UBE3C: variants seen among roughly 807,000 people sequenced by gnomAD.
UBE3C encodes ubiquitin-protein ligase E3C.
Under a neutral mutation model 129.4 loss-of-function variants are expected in UBE3C, and 42 were observed. That is an observed-to-expected ratio of 0.32 (90% CI 0.25 to 0.42). The LOEUF is 0.42. Ranked by LOEUF, UBE3C falls within the 10% of genes least tolerant of loss-of-function variation. UBE3C has a pLI of 1.00. For synonymous variants in UBE3C, 510 were observed against 492.4 expected, an observed-to-expected ratio of 1.04 and a Z score of -0.47; for missense variants, 1,049 against 1,319.1, an observed-to-expected ratio of 0.80 and a Z score of 3.17.
intron 18 of UBE3C, among the ~76,000 whole-genome samples, chr7:157,235,501 C>A (rs907656569): frequency 2.6e-5 from 4 of 152,162 alleles, no homozygotes; most frequent in Admixed American, 1.3e-4. Context: ...AGGATAAACT[C>A]ATTTCTCCTC....
intron 7 of UBE3C, 60 bp downstream of exon 7, chr7:157,181,731 C>A: frequency 6.4e-7 from 1 of 1,560,044 alleles, no homozygotes; most frequent in Non-Finnish European, 8.7e-7. Flanking sequence ...CTGATGGTAA[C>A]TTTTACATAG....
chr7:157,198,154 G>A (rs1809176076), intron 10 of UBE3C: 10 of 1,613,008 alleles, frequency 6.2e-6, no homozygotes, highest in Non-Finnish European at 8.5e-6. Flanking sequence ...TTGCTCCACA[G>A]TTTAAGCAAA....
intron 1 of UBE3C, among the ~76,000 whole-genome samples, chr7:157,143,484 T>C (rs1807515797): frequency 6.6e-6 from 1 of 152,252 alleles, no homozygotes; most frequent in Non-Finnish European, 1.5e-5. Flanking sequence ...CACTCCCTTC[T>C]TCCTGTCTCC....
At chr7:157,241,382 C>G (rs578134073) in intron 18 of UBE3C, among the ~76,000 whole-genome samples, 3 of 152,308 alleles carry the variant, frequency 2.0e-5, no homozygotes, top group Non-Finnish European at 4.4e-5. Context: ...ATGAAGGACT[C>G]CATGATAAAA....
At chr7:157,241,051 G>A (rs766168442) in intron 18 of UBE3C, among the ~76,000 whole-genome samples, 5 of 152,158 alleles carry the variant, frequency 3.3e-5, no homozygotes, top group Non-Finnish European at 4.4e-5. Context: ...GGGAGGGAAG[G>A]GAAGGATGGT....
chr7:157,225,100 T>G (rs188141023), intron 16 of UBE3C, among the ~76,000 whole-genome samples: 1 of 152,264 alleles, frequency 6.6e-6, no homozygotes, highest in East Asian at 1.9e-4. Context: ...CCTCCCGGGT[T>G]CACAAGATTC....
intron 18 of UBE3C, among the ~76,000 whole-genome samples, chr7:157,243,462 G>A (rs1584815975): frequency 6.6e-6 from 1 of 152,166 alleles, no homozygotes; most frequent in Non-Finnish European, 1.5e-5. Flanking sequence ...TCAGTTATCC[G>A]TGGTAGACAT....
At chr7:157,155,733 T>C (rs995637438) in intron 1 of UBE3C, among the ~76,000 whole-genome samples, 1 of 152,220 alleles carries the variant, frequency 6.6e-6, no homozygotes, top group Non-Finnish European at 1.5e-5. Flanking sequence ...CCTTGGTAAA[T>C]GGCATTTGTA....
chr7:157,254,207 T>G, intron 20 of UBE3C, 37 bp from the exon 21 acceptor site: 1 of 1,607,496 alleles, frequency 6.2e-7, no homozygotes, highest in East Asian at 2.2e-5. Flanking sequence ...TTCTTAAAAT[T>G]TACCTCAAAT....
At chr7:157,198,826 C>T (rs1809198746) in intron 10 of UBE3C, among the ~76,000 whole-genome samples, 2 of 152,056 alleles carry the variant, frequency 1.3e-5, no homozygotes, top group African/African-American at 4.8e-5. Flanking sequence ...GAGCACCTGG[C>T]CCAGAAATTT....
chr7:157,210,165 ACT>A (rs1012604242), intron 13 of UBE3C, among the ~76,000 whole-genome samples: 22 of 150,658 alleles, frequency 1.5e-4, no homozygotes, highest in Non-Finnish European at 3.1e-4. Flanking sequence ...CGGTAGGGTG[ACT>A]CTCTCTCCAA....
chr7:157,223,173 G>GA (rs1795784791), intron 15 of UBE3C, 81 bp from the exon 16 acceptor site: 8 of 1,418,768 alleles, frequency 5.6e-6, no homozygotes, highest in Non-Finnish European at 8.0e-6. Context: ...ATGATTTCAA[G>GA]AATCTTCACC....
chr7:157,255,587 G>A (rs1408444938), intron 21 of UBE3C, among the ~76,000 whole-genome samples: 2 of 152,094 alleles, frequency 1.3e-5, no homozygotes, highest in South Asian at 2.1e-4. Flanking sequence ...GATTGTCTTC[G>A]GTTGTTTTCA....
intron 6 of UBE3C, among the ~76,000 whole-genome samples, chr7:157,180,452 A>G (rs538055103): frequency 6.6e-6 from 1 of 152,362 alleles, no homozygotes; most frequent in East Asian, 1.9e-4. Flanking sequence ...GACTTGGGGT[A>G]GTTACAAAGT....
At chr7:157,200,775 C>T (rs1179378323) in intron 10 of UBE3C, among the ~76,000 whole-genome samples, 1 of 152,064 alleles carries the variant, frequency 6.6e-6, no homozygotes, top group Non-Finnish European at 1.5e-5. Context: ...GCTGGGACTA[C>T]AGCCACCACA....
intron 18 of UBE3C, among the ~76,000 whole-genome samples, chr7:157,245,500 A>G (rs1796448912): frequency 6.6e-6 from 1 of 152,254 alleles, no homozygotes; most frequent in African/African-American, 2.4e-5. Context: ...AACTTTAAAC[A>G]AACTGTGACT....
rs1188257722 is a variant in UBE3C at position 157,268,056 on chromosome 7, C to G, written c.*301C>G. 4.4e-6 allele frequency: 1 copy of G among 226,088 alleles called. No individual in the cohort carries two copies. The highest frequency in any genetic ancestry group is 1.3e-4 in the East Asian group (1 of 7,898). 14.0% of individuals were successfully genotyped at this position (226,088 alleles called of 1,614,324 possible). A position where few individuals can be genotyped will look rare whatever the true frequency, so the allele number is the denominator to read the frequency against. On this transcript the variant is annotated 3_prime_UTR_variant, in exon 23 of 23. Coordinates refer to ENST00000348165, the MANE Select transcript of UBE3C (RefSeq NM_014671.3). ...ACTAGTGGCATCTCAGTGAAATTAA[C>G]CAAAGATGAAGCTTTGGCTTTGCTG...
At chr7:157,197,051 T>C (rs2116972647) in intron 10 of UBE3C, among the ~76,000 whole-genome samples, 1 of 152,358 alleles carries the variant, frequency 6.6e-6, no homozygotes, top group Admixed American at 6.5e-5. Context: ...GGCAAAACTG[T>C]CGTTTCTGAT....
intron 19 of UBE3C, among the ~76,000 whole-genome samples, chr7:157,249,320 CT>C (rs1234257452): frequency 0.012 from 1,802 of 144,790 alleles, 33 homozygotes; most frequent in African/African-American, 0.039. Flanking sequence ...TCGATAGAGT[CT>C]TTTTTTTTTT....
Sources: allele counts gnomAD v4.1 joint callset (sites outside exome capture counted in the v4.1 genomes callset), GRCh38; gene constraint gnomAD v4.1.1; transcripts MANE v1.5; gene names NCBI Gene and HGNC (gene_info 2026-07-23, HGNC 2026-07-21).